Variants in NCOR1 observed in about 807,000 individuals in gnomAD.
NCOR1 encodes nuclear receptor corepressor 1, also known as protein phosphatase 1, regulatory subunit 109.
In NCOR1, 63 loss-of-function variants were observed where a neutral mutation model predicts 288.1. The observed-to-expected ratio is 0.22, with a 90% CI of 0.18 to 0.27. The LOEUF is 0.27. Ranked by LOEUF, NCOR1 falls within the 10% of genes least tolerant of loss-of-function variation. NCOR1 has a pLI of 1.00. For synonymous variants in NCOR1, 1,007 were observed against 1,065.9 expected, an observed-to-expected ratio of 0.94 and a Z score of 1.08; for missense variants, 2,397 against 3,019.2, an observed-to-expected ratio of 0.79 and a Z score of 4.83.
At chr17:16,211,226 A>G (rs2092098283) in intron 1 of NCOR1, among the ~76,000 whole-genome samples, 1 of 151,620 alleles carries the variant, frequency 6.6e-6, no homozygotes, top group Non-Finnish European at 1.5e-5. Flanking sequence ...CTGACTCTAC[A>G]TTCTATAAAT....
At chr17:16,199,781 C>T (rs958804439) in intron 1 of NCOR1, among the ~76,000 whole-genome samples, 2 of 152,098 alleles carry the variant, frequency 1.3e-5, no homozygotes, top group Non-Finnish European at 2.9e-5. Flanking sequence ...GAAATCTGAT[C>T]GAGATTTTAT....
At chr17:16,085,009 C>T (rs2063989531) in intron 23 of NCOR1, among the ~76,000 whole-genome samples, 1 of 152,016 alleles carries the variant, frequency 6.6e-6, no homozygotes, top group Non-Finnish European at 1.5e-5. Context: ...AGAAAATAAA[C>T]AGACAAAAAA....
At chr17:16,150,077 C>T (rs955127610) in intron 8 of NCOR1, among the ~76,000 whole-genome samples, 2 of 152,054 alleles carry the variant, frequency 1.3e-5, no homozygotes, top group African/African-American at 4.8e-5. Flanking sequence ...ATCTTAATCG[C>T]TTTTTAAATT....
intron 2 of NCOR1, among the ~76,000 whole-genome samples, chr17:16,188,672 T>C (rs905734181): frequency 1.3e-5 from 2 of 151,672 alleles, no homozygotes; most frequent in East Asian, 3.9e-4. Context: ...TCCAAGGAAA[T>C]AGGTAAAACA....
intron 2 of NCOR1, among the ~76,000 whole-genome samples, chr17:16,187,722 T>C (rs768587520): frequency 2.6e-5 from 4 of 151,870 alleles, no homozygotes; most frequent in African/African-American, 4.8e-5. Context: ...CTGGGCAACA[T>C]AGTGAGACTT....
intron 30 of NCOR1, 46 bp from the exon 31 acceptor site, chr17:16,070,571 T>C (rs372778437): frequency 1.9e-6 from 3 of 1,582,360 alleles, no homozygotes; most frequent in Non-Finnish European, 2.6e-6. Context: ...GTCATCTGGC[T>C]ACTTTTCTAT....
rs138784842 is a variant in NCOR1 at position 16,065,761 on chromosome 17, C to T, written c.4742-67G>A. ...GCTGAAATACATTTGCTAAACACCA[C>T]GTACAAAAGAGTAGAGAAAAATCAC... On this transcript the variant is annotated intron_variant, in intron 32 of 45. Transcript: ENST00000268712. 3.2e-4 allele frequency: 457 copies of T among 1,406,318 alleles called. No homozygotes were observed. The African/African-American group carries it at 5.3e-3, about 16-fold the overall frequency. 87.1% of individuals were successfully genotyped at this position (1,406,318 alleles called of 1,614,324 possible). A position where few individuals can be genotyped will look rare whatever the true frequency, so the allele number is the denominator to read the frequency against.
At chr17:16,084,630 TG>T (rs1395944507) in intron 23 of NCOR1, among the ~76,000 whole-genome samples, 1 of 152,176 alleles carries the variant, frequency 6.6e-6, no homozygotes, top group Non-Finnish European at 1.5e-5. Flanking sequence ...AGTAGATCAG[TG>T]GAACAGCATG....
At chr17:16,048,247 G>T (rs1285324809) in intron 41 of NCOR1, among the ~76,000 whole-genome samples, 1 of 152,236 alleles carries the variant, frequency 6.6e-6, no homozygotes, top group Non-Finnish European at 1.5e-5. Context: ...TTTGGACAGA[G>T]ATTCCAGTGT....
At position 16,098,442 on chromosome 17, in the gene NCOR1, G is replaced by A. The variant is rs79413281; in HGVS notation, c.2745C>T (p.Leu915=). The stretch of plus-strand genomic sequence containing the variant: ...GATTTGGTTTTAACGGAGATGAGAC[G>A]AGTATAGATCCAGTGGGGTTTAACA... The part of the protein sequence containing the change: ...PSLLNPTGSI[L]VSSPLKPNPL... The change falls in exon 21 of 46, where the codon CTC becomes CTT. Residue 915 remains leucine, a synonymous_variant. Coordinates refer to ENST00000268712, the MANE Select transcript of NCOR1 (RefSeq NM_006311.4). 5,722 of 1,613,732 alleles carry A rather than the reference G, an allele frequency of 3.5e-3. 167 individuals are homozygous for A. The African/African-American group carries it at 0.064, about 18-fold the overall frequency.
At chr17:16,132,792 T>TTC (rs2075833759) in intron 14 of NCOR1, among the ~76,000 whole-genome samples, 1 of 29,688 alleles carries the variant, frequency 3.4e-5, no homozygotes, top group Non-Finnish European at 8.0e-5. Context: ...CAAACTACAC[T>TTC]TTTTTTTTTT....
chr17:16,190,344 C>T (rs1362108419), intron 2 of NCOR1, among the ~76,000 whole-genome samples: 1 of 146,878 alleles, frequency 6.8e-6, no homozygotes, highest in Non-Finnish European at 1.5e-5. Flanking sequence ...GAAAGAATTT[C>T]TTTTTTTTTT....
At chr17:16,135,732 T>C (rs1026434831) in intron 14 of NCOR1, among the ~76,000 whole-genome samples, 2 of 152,182 alleles carry the variant, frequency 1.3e-5, no homozygotes, top group South Asian at 2.1e-4. Flanking sequence ...GAGCATGTAA[T>C]CACATCATGT....
chr17:16,057,204 T>G, intron 40 of NCOR1: 1 of 303,934 alleles, frequency 3.3e-6, no homozygotes, highest in South Asian at 3.7e-5. Context: ...ATATGAGAGG[T>G]ATTATTCGGA....
intron 44 of NCOR1, among the ~76,000 whole-genome samples, chr17:16,035,317 C>G (rs1446969960): frequency 6.6e-6 from 1 of 152,042 alleles, no homozygotes; most frequent in Non-Finnish European, 1.5e-5. Flanking sequence ...TCCCTCAAAC[C>G]CTTCTTTATT....
At chr17:16,193,845 T>G (rs2089168089) in intron 2 of NCOR1, among the ~76,000 whole-genome samples, 1 of 152,100 alleles carries the variant, frequency 6.6e-6, no homozygotes, top group South Asian at 2.1e-4. Flanking sequence ...TACATTCTGA[T>G]GACAAATCTG....
At chr17:16,203,334 A>AT (rs2091094469) in intron 1 of NCOR1, among the ~76,000 whole-genome samples, 6 of 152,086 alleles carry the variant, frequency 3.9e-5, no homozygotes, top group Admixed American at 3.9e-4. Context: ...ATTGCTCACT[A>AT]GGCCCCAGCA....
intron 8 of NCOR1, among the ~76,000 whole-genome samples, 194 bp from the exon 9 acceptor site, chr17:16,149,711 G>T (rs1386989691): frequency 6.6e-6 from 1 of 152,056 alleles, no homozygotes; most frequent in Non-Finnish European, 1.5e-5. Context: ...ACTGACTAAA[G>T]TTCCTCCCAT....
At chr17:16,053,614 C>G (rs533877511) in intron 40 of NCOR1, among the ~76,000 whole-genome samples, 1 of 152,164 alleles carries the variant, frequency 6.6e-6, no homozygotes, top group Non-Finnish European at 1.5e-5. Flanking sequence ...AATGGCCGTA[C>G]TGCCCAATGC....
Sources: allele counts gnomAD v4.1 joint callset (sites outside exome capture counted in the v4.1 genomes callset), GRCh38; gene constraint gnomAD v4.1.1; transcripts MANE v1.5; gene names NCBI Gene and HGNC (gene_info 2026-07-23, HGNC 2026-07-21).